SHANK2: variants seen among roughly 807,000 people sequenced by gnomAD.
SHANK2 encodes SH3 and multiple ankyrin repeat domains protein 2.
In SHANK2, 43 loss-of-function variants were observed where a neutral mutation model predicts 133.7. The observed-to-expected ratio is 0.32, with a 90% CI of 0.25 to 0.41. The LOEUF (loss-of-function observed/expected upper bound fraction) is 0.41, where lower values mean the gene tolerates loss of function less well. Among genes scored for constraint, SHANK2 ranks in the 10% least tolerant of loss-of-function variants. The pLI is 1.00. For missense variants in SHANK2, 1,994 were observed against 2,235.8 expected (o/e 0.89, Z 2.18); for synonymous variants, 1,017 against 952.8 (o/e 1.07, Z -1.24).
chr11:70,844,126 G>A (rs1434029908), intron 11 of SHANK2, among the ~76,000 whole-genome samples: 2 of 152,070 alleles, frequency 1.3e-5, no homozygotes, highest in African/African-American at 2.4e-5. Context: ...CCCAGCCCTC[G>A]CCTGGCTTCC....
intron 14 of SHANK2, among the ~76,000 whole-genome samples, chr11:70,703,178 T>C (rs890622564): frequency 1.3e-5 from 2 of 152,134 alleles, no homozygotes; most frequent in Middle Eastern, 3.4e-3. Flanking sequence ...CCACACGTAT[T>C]CTAGGTGTGT....
At chr11:71,205,397 C>T (rs1218057420) in intron 2 of SHANK2, among the ~76,000 whole-genome samples, 1 of 152,236 alleles carries the variant, frequency 6.6e-6, no homozygotes, top group Non-Finnish European at 1.5e-5. Context: ...TGTGGCTCTG[C>T]CTCGTGCCCC....
intron 10 of SHANK2, among the ~76,000 whole-genome samples, chr11:70,930,236 A>G (rs573864201): frequency 6.6e-6 from 1 of 152,310 alleles, no homozygotes; most frequent in East Asian, 1.9e-4. Context: ...TCCCTGTGGA[A>G]GGAAGCATGT....
intron 14 of SHANK2, among the ~76,000 whole-genome samples, chr11:70,780,137 T>C (rs1172896443): frequency 1.3e-5 from 2 of 152,236 alleles, no homozygotes; most frequent in African/African-American, 4.8e-5. Flanking sequence ...TTTGAGCAGC[T>C]GGATCCAACT....
At chr11:70,898,447 C>T (rs1202036285) in intron 10 of SHANK2, among the ~76,000 whole-genome samples, 1 of 151,956 alleles carries the variant, frequency 6.6e-6, no homozygotes, top group African/African-American at 2.4e-5. Context: ...TTTTGAGGTG[C>T]ATGCTAGAAA....
chr11:71,187,761 C>T (rs1953702925), intron 2 of SHANK2, among the ~76,000 whole-genome samples: 1 of 152,162 alleles, frequency 6.6e-6, no homozygotes, highest in Non-Finnish European at 1.5e-5. Context: ...GGCCCATCCT[C>T]TAAGATGTTT....
intron 17 of SHANK2, among the ~76,000 whole-genome samples, chr11:70,524,606 C>A (rs148786508): frequency 2.0e-4 from 30 of 152,336 alleles, no homozygotes; most frequent in African/African-American, 6.5e-4. Flanking sequence ...TCTGCCATGC[C>A]GGGGCCCTCA....
chr11:70,803,180 T>C (rs1555050922), intron 13 of SHANK2, among the ~76,000 whole-genome samples: 3 of 151,532 alleles, frequency 2.0e-5, no homozygotes, highest in Non-Finnish European at 4.4e-5. Flanking sequence ...CACACTGCTA[T>C]TTAGAAAACT....
At chr11:71,108,944 C>G (rs112612486) in intron 6 of SHANK2, among the ~76,000 whole-genome samples, 44 of 152,336 alleles carry the variant, frequency 2.9e-4, no homozygotes, top group Admixed American at 1.3e-3. Flanking sequence ...CGGGCCCCCC[C>G]CCAGCGTTCA....
At chr11:70,880,312 G>T (rs1374390655) in intron 11 of SHANK2, among the ~76,000 whole-genome samples, 2 of 152,250 alleles carry the variant, frequency 1.3e-5, no homozygotes, top group South Asian at 2.1e-4. Context: ...AAGAAGGGCT[G>T]TGGTCAGCTG....
intron 6 of SHANK2, among the ~76,000 whole-genome samples, chr11:71,100,180 C>T (rs781790869): frequency 2.6e-5 from 4 of 152,080 alleles, no homozygotes; most frequent in African/African-American, 4.8e-5. Flanking sequence ...TGTAAAATGG[C>T]GCAGTCACTT....
At chr11:70,635,220 T>C (rs951704108) in intron 17 of SHANK2, 2 of 152,176 alleles carry the variant, frequency 1.3e-5, no homozygotes, top group Admixed American at 1.3e-4. Flanking sequence ...CCGAAGGCAT[T>C]GACAGCGGGG....
chr11:70,806,443 C>G (rs1948161206), intron 13 of SHANK2, among the ~76,000 whole-genome samples: 1 of 152,246 alleles, frequency 6.6e-6, no homozygotes. Context: ...GGGCAGAAAC[C>G]ATCACTGGCT....
In SHANK2 at chr11:70,569,104, G is replaced by A. The variant is rs1428153540; in HGVS notation, c.2062-66173C>T. On this transcript the variant is annotated intron_variant, in intron 17 of 25. Transcript: ENST00000601538. This position sits in a 1 kb window ranked among gnomAD's most constrained non-coding sequence, Gnocchi z 5.1. ...TGAACGGAGCCAGGAAAGCGAATCT[G>A]CCTTGACTTGTCCTGGATTCTGCAG... Among the ~76,000 whole-genome samples the A allele has an allele frequency of 6.6e-6, 1 of 152,200 alleles. No individual in the cohort carries two copies. The highest frequency in any genetic ancestry group is 2.4e-5 in the African/African-American group (1 of 41,468).
rs1409411258 is a variant in SHANK2, at chr11:71,092,629, T to C, written c.745-40A>G. ...TTGAAAGCCGTCGTTATTGGTCTCA[T>C]GACCCCTTTTGCAGAGTGAGGTGAT... On this transcript the variant is annotated intron_variant, in intron 7 of 25. Coordinates refer to ENST00000601538, the MANE Select transcript of SHANK2 (RefSeq NM_012309.5). The C allele has an allele frequency of 7.1e-6, 11 of 1,542,900 alleles. No individual in the cohort carries two copies. In the African/African-American group the frequency reaches 1.5e-4, roughly 21 times the overall value.
At chr11:70,629,069 C>T (rs1291510275) in intron 17 of SHANK2, among the ~76,000 whole-genome samples, 3 of 152,154 alleles carry the variant, frequency 2.0e-5, no homozygotes, top group Admixed American at 6.5e-5. Context: ...GGCATGTGCG[C>T]GCCACAGCTC....
intron 10 of SHANK2, among the ~76,000 whole-genome samples, chr11:70,935,531 C>T (rs546274576): frequency 7.0e-4 from 107 of 152,314 alleles, no homozygotes; most frequent in Non-Finnish European, 1.3e-3. Context: ...GTCACTCCCC[C>T]TGGGTCATGC....
chr11:70,842,463 T>C (rs1315519236), intron 11 of SHANK2, among the ~76,000 whole-genome samples: 1 of 152,182 alleles, frequency 6.6e-6, no homozygotes, highest in Non-Finnish European at 1.5e-5. Flanking sequence ...GCATAACCTG[T>C]CTGAGCCACT....
At chr11:70,677,292 C>G (rs782241405) in intron 15 of SHANK2, among the ~76,000 whole-genome samples, 12 of 152,194 alleles carry the variant, frequency 7.9e-5, no homozygotes, top group Non-Finnish European at 1.0e-4. Context: ...CCCAGACAAG[C>G]CACACAGTTG....
Sources: allele counts gnomAD v4.1 joint callset (sites outside exome capture counted in the v4.1 genomes callset), GRCh38; gene constraint gnomAD v4.1.1; non-coding constraint Gnocchi (gnomAD v3.1); transcripts MANE v1.5; gene names NCBI Gene and HGNC (gene_info 2026-07-23, HGNC 2026-07-21).